MCTP1: variants seen among roughly 807,000 people sequenced by gnomAD.
MCTP1 encodes multiple C2 and transmembrane domain containing 1.
A neutral mutation model predicts 120.6 loss-of-function variants in MCTP1; 69 were observed. The observed-to-expected ratio is 0.57, with a 90% CI of 0.47 to 0.70. The LOEUF (loss-of-function observed/expected upper bound fraction) is 0.70, where lower values mean the gene tolerates loss of function less well. Ranked by LOEUF, MCTP1 falls within the 30% of genes least tolerant of loss-of-function variation. The pLI is 0.00. For synonymous variants in MCTP1, 529 were observed against 493.1 expected, an observed-to-expected ratio of 1.07 and a Z score of -0.96; for missense variants, 1,203 against 1,248.8, an observed-to-expected ratio of 0.96 and a Z score of 0.55.
At chr5:95,203,930 A>C (rs1387100945) in intron 1 of MCTP1, among the ~76,000 whole-genome samples, 1 of 152,176 alleles carries the variant, frequency 6.6e-6, no homozygotes, top group Non-Finnish European at 1.5e-5. Flanking sequence ...TTCAAGAAAC[A>C]TTTTTATTAG....
chr5:95,162,554 T>C (rs1318946451), intron 1 of MCTP1, among the ~76,000 whole-genome samples: 1 of 152,200 alleles, frequency 6.6e-6, no homozygotes, highest in Non-Finnish European at 1.5e-5. Context: ...CTTCATCAAA[T>C]GACATTCTAA....
intron 2 of MCTP1, among the ~76,000 whole-genome samples, chr5:94,962,751 G>A (rs894804680): frequency 1.4e-4 from 22 of 151,928 alleles, no homozygotes; most frequent in Non-Finnish European, 3.2e-4. Flanking sequence ...GGGGATAAAA[G>A]ACTACACATT....
intron 1 of MCTP1, among the ~76,000 whole-genome samples, chr5:95,147,085 A>C (rs1209873779): frequency 6.6e-6 from 1 of 151,458 alleles, no homozygotes; most frequent in African/African-American, 2.4e-5. Flanking sequence ...ATTTTATTTT[A>C]TTTATTTATT....
At chr5:95,018,955 A>G (rs1837660878) in intron 1 of MCTP1, among the ~76,000 whole-genome samples, 1 of 152,054 alleles carries the variant, frequency 6.6e-6, no homozygotes, top group South Asian at 2.1e-4. Flanking sequence ...CACTTTTAAA[A>G]GTCTTATGCA....
intron 4 of MCTP1, among the ~76,000 whole-genome samples, chr5:94,940,679 TCTGA>T (rs1393734015): frequency 2.0e-5 from 3 of 149,772 alleles, no homozygotes; most frequent in African/African-American, 7.3e-5. Flanking sequence ...GGGGTTACAG[TCTGA>T]CTTAGTTCAT....
intron 6 of MCTP1, chr5:94,930,635 T>C (rs963002308): frequency 2.6e-5 from 4 of 152,180 alleles, no homozygotes; most frequent in Non-Finnish European, 5.9e-5. Flanking sequence ...TAATTAATAC[T>C]AAGTATTATA....
intron 17 of MCTP1, among the ~76,000 whole-genome samples, chr5:94,865,054 T>A (rs1405581754): frequency 6.6e-6 from 1 of 151,850 alleles, no homozygotes; most frequent in East Asian, 1.9e-4. Context: ...CACAGTAAAA[T>A]TTTAAAACCG....
chr5:94,873,236 T>C lies in MCTP1; in HGVS notation c.1939A>G (p.Ser647Gly), dbSNP rs1349412733. 6.3e-7 allele frequency: 1 copy of C among 1,585,074 alleles called. No homozygotes were observed. The highest frequency in any genetic ancestry group is 8.7e-7 in the Non-Finnish European group (1 of 1,154,598). The change falls in exon 13 of 23, where the codon AGT (serine) becomes GGT (glycine). Residue 647 changes from serine (S) to glycine (G), a missense_variant. By Grantham distance (56) the Ser-to-Gly change is moderately conservative. Transcript: ENST00000515393. ...AGTTCTACCACACAAAATGGGTCAC[T>C]TTTTCCTACAAGAGATTTTTGGTAA... ...GLMAADVTGK[S>G]DPFCVVELNN...
chr5:95,077,147 C>T lies in MCTP1; in HGVS notation c.721-59663G>A, dbSNP rs77495005. Among the ~76,000 whole-genome samples, 1,187 of 152,200 alleles carry T rather than the reference C, an allele frequency of 7.8e-3. 38 individuals carry two copies. Among genetic ancestry groups the T allele is most frequent in the East Asian group, 0.07 (360 of 5,176 alleles). Reference sequence around the variant, plus strand: ...TGAAATATTGTGGGGAAGAAAGCTCCCATTCCAAAATGAAAAGAGATGCTA... The same window carrying T: ...TGAAATATTGTGGGGAAGAAAGCTCTCATTCCAAAATGAAAAGAGATGCTA... On this transcript the variant is annotated intron_variant, in intron 1 of 22. Coordinates refer to ENST00000515393, the MANE Select transcript of MCTP1 (RefSeq NM_024717.7).
At chr5:95,036,783 T>A (rs1398784292) in intron 1 of MCTP1, among the ~76,000 whole-genome samples, 1 of 152,204 alleles carries the variant, frequency 6.6e-6, no homozygotes, top group Non-Finnish European at 1.5e-5. Context: ...TTGATTTTCT[T>A]TGGAGAAAAC....
chr5:95,199,653 G>A (rs1293652562), intron 1 of MCTP1, among the ~76,000 whole-genome samples: 2 of 151,140 alleles, frequency 1.3e-5, no homozygotes, highest in African/African-American at 4.9e-5. Context: ...AGGTCAGGGG[G>A]TCAAGACCAG....
chr5:95,118,101 G>C (rs895356648), intron 1 of MCTP1, among the ~76,000 whole-genome samples: 4 of 152,142 alleles, frequency 2.6e-5, no homozygotes, highest in African/African-American at 9.7e-5. Flanking sequence ...TGCAATGATA[G>C]ATGCACCAAA....
At chr5:94,752,280 C>T (rs1768663303) in intron 19 of MCTP1, among the ~76,000 whole-genome samples, 1 of 151,112 alleles carries the variant, frequency 6.6e-6, no homozygotes, top group Non-Finnish European at 1.5e-5. Context: ...CTAACAATGA[C>T]AAAGTGGTGA....
rs372619990 is a variant in MCTP1, at chr5:95,049,495, T to TCGCA, written c.721-32015_721-32012dup. Reference sequence around the variant, plus strand: ...CACATGGGAAAATGAAAGAACAAAATCGCATCCTGAGGCACTGAAACTAAA... The same window carrying TCGCA: ...CACATGGGAAAATGAAAGAACAAAATCGCACGCATCCTGAGGCACTGAAACTAAA... On this transcript the variant is annotated intron_variant, in intron 1 of 22. Coordinates refer to ENST00000515393, the MANE Select transcript of MCTP1 (RefSeq NM_024717.7). Among the ~76,000 whole-genome samples, 305 of 152,098 alleles carry TCGCA rather than the reference T, an allele frequency of 2.0e-3. 1 individual carries two copies. Among genetic ancestry groups the TCGCA allele is most frequent in the African/African-American group, 7.0e-3 (291 of 41,522 alleles).
chr5:94,963,861 T>TGGCATCATATCCC (rs1415409301), intron 2 of MCTP1, among the ~76,000 whole-genome samples: 2 of 152,210 alleles, frequency 1.3e-5, no homozygotes, highest in African/African-American at 4.8e-5. Context: ...CCTGTGCTTT[T>TGGCATCATATCCC]GGCATCATAT....
chr5:94,990,579 G>A (rs540779749), intron 2 of MCTP1, among the ~76,000 whole-genome samples: 42 of 152,270 alleles, frequency 2.8e-4, no homozygotes, highest in Non-Finnish European at 4.3e-4. Flanking sequence ...ACTTGATTAA[G>A]ACCACCAAAG....
intron 1 of MCTP1, among the ~76,000 whole-genome samples, chr5:95,108,103 A>G (rs1392812123): frequency 6.6e-6 from 1 of 152,222 alleles, no homozygotes; most frequent in Non-Finnish European, 1.5e-5. Context: ...CAGTTAAGAA[A>G]GATTAAAAAT....
At chr5:94,873,815 G>GA (rs1194959808) in intron 12 of MCTP1, among the ~76,000 whole-genome samples, 33 of 149,296 alleles carry the variant, frequency 2.2e-4, no homozygotes, top group African/African-American at 7.6e-4. Flanking sequence ...CTCTGAGGCA[G>GA]AAAAAAAATC....
intron 19 of MCTP1, among the ~76,000 whole-genome samples, chr5:94,734,340 A>G (rs1188304755): frequency 6.6e-6 from 1 of 152,238 alleles, no homozygotes; most frequent in African/African-American, 2.4e-5. Flanking sequence ...GAAAACTTGG[A>G]AAATAAACAC....
Sources: gnomAD v4.1 joint callset for allele counts (sites outside exome capture counted in the v4.1 genomes callset) on GRCh38, gnomAD v4.1.1 for gene constraint, MANE v1.5 for transcripts, NCBI Gene and HGNC (gene_info 2026-07-23, HGNC 2026-07-21) for gene names.